Variants in SPIDR observed in about 807,000 individuals in gnomAD.
SPIDR encodes scaffold protein involved in DNA repair, also known as DNA repair-scaffolding protein.
In SPIDR, 93 loss-of-function variants were observed where a neutral mutation model predicts 104.6. The observed-to-expected ratio is 0.89, with a 90% CI of 0.75 to 1.06. SPIDR has a LOEUF of 1.06. SPIDR is among the 50% of genes least tolerant of loss of function. SPIDR has a pLI of 0.00. For synonymous variants in SPIDR, 431 were observed against 416.9 expected, an observed-to-expected ratio of 1.03 and a Z score of -0.41; for missense variants, 1,154 against 1,111.2, an observed-to-expected ratio of 1.04 and a Z score of -0.55.
Position 47,700,424 on chromosome 8 carries a change from G to C in SPIDR, c.1707G>C (p.Leu569Phe). ...TRGRTAGIFS[L>F]IDTLWPPAIP... ...CCAGGACAGCGGGGATTTTCAGTTT[G>C]ATTGACACCCTGTGGCCCCCAGCGA... Residue 569 changes from leucine (L) to phenylalanine (F), a missense_variant, in exon 12 of 20, where the codon TTG (leucine) becomes TTC (phenylalanine). Leu to Phe is a conservative substitution (Grantham distance 22, BLOSUM62 0). Transcript: ENST00000297423. The C allele has an allele frequency of 6.2e-7, 1 of 1,614,216 alleles. No individual in the cohort carries two copies.
At chr8:47,641,075 G>A (rs2068889495) in intron 10 of SPIDR, among the ~76,000 whole-genome samples, 1 of 151,070 alleles carries the variant, frequency 6.6e-6, no homozygotes, top group Non-Finnish European at 1.5e-5. Flanking sequence ...CATATTTGAG[G>A]TACACTTTAA....
intron 10 of SPIDR, among the ~76,000 whole-genome samples, chr8:47,607,160 T>A (rs1297383879): frequency 6.6e-6 from 1 of 152,242 alleles, no homozygotes; most frequent in Non-Finnish European, 1.5e-5. Context: ...TCCTTTTCAA[T>A]GATTTGAATA....
Position 47,304,209 on chromosome 8 carries a change from C to G in SPIDR, c.525+10179C>G, listed in dbSNP as rs1216109441. Among the ~76,000 whole-genome samples the G allele has an allele frequency of 7.2e-5, 11 of 152,118 alleles. No homozygotes were observed. The East Asian group carries it at 2.1e-3, about 29-fold the overall frequency. On this transcript the variant is annotated intron_variant, in intron 5 of 19. Coordinates refer to ENST00000297423, the MANE Select transcript of SPIDR (RefSeq NM_001080394.4). The stretch of plus-strand genomic sequence containing the variant: ...GACTAATATAGTTTGAGTCTGTGTC[C>G]CCGCCCAAATCTCATGTTGAATTGT...
At chr8:47,303,244 C>T (rs1281942207) in intron 5 of SPIDR, among the ~76,000 whole-genome samples, 1 of 152,212 alleles carries the variant, frequency 6.6e-6, no homozygotes, top group African/African-American at 2.4e-5. Context: ...CTCTCCGAAC[C>T]AGTTGTGGGA....
chr8:47,551,686 G>A (rs1024307789), intron 8 of SPIDR, among the ~76,000 whole-genome samples: 7 of 151,826 alleles, frequency 4.6e-5, no homozygotes, highest in East Asian at 3.9e-4. Context: ...TCTTGCTAGC[G>A]GTCTATCAAT....
At position 47,670,554 on chromosome 8, in the gene SPIDR, T is replaced by G. The variant is rs573765511; in HGVS notation, c.1545-3247T>G. On this transcript the variant is annotated intron_variant, in intron 10 of 19. Coordinates refer to ENST00000297423, the MANE Select transcript of SPIDR (RefSeq NM_001080394.4). Reference sequence around the variant, plus strand: ...AATGTTTTTTCTTTGTGTTTTCCTATATTTCTCATTCCATTTTTTTTCCTC... The same window carrying G: ...AATGTTTTTTCTTTGTGTTTTCCTAGATTTCTCATTCCATTTTTTTTCCTC... 2.6e-4 allele frequency among the ~76,000 whole-genome samples: 40 copies of G among 152,344 alleles called. 1 individual carries two copies. The South Asian group carries it at 8.3e-3, about 32-fold the overall frequency.
intron 19 of SPIDR, among the ~76,000 whole-genome samples, 156 bp from the exon 20 acceptor site, chr8:47,735,151 G>C (rs1272228184): frequency 1.3e-5 from 2 of 151,374 alleles, no homozygotes; most frequent in Non-Finnish European, 2.9e-5. Context: ...CTCTTCATTT[G>C]TTTCTCCTTC....
rs578023286 is a variant in SPIDR at position 47,445,464 on chromosome 8, T to A, written c.1097+4922T>A. 5.9e-5 allele frequency among the ~76,000 whole-genome samples: 9 copies of A among 152,178 alleles called. No individual in the cohort carries two copies. The South Asian group carries it at 1.7e-3, about 28-fold the overall frequency. Reference sequence around the variant, plus strand: ...CCATCTTACTTTCTCTCCTCAGACCTCCCTATTCCATGAGACACAACAGTA... The same window carrying A: ...CCATCTTACTTTCTCTCCTCAGACCACCCTATTCCATGAGACACAACAGTA... On this transcript the variant is annotated intron_variant, in intron 8 of 19. Transcript: ENST00000297423.
chr8:47,690,742 C>T (rs1417015678), intron 11 of SPIDR, among the ~76,000 whole-genome samples: 1 of 152,066 alleles, frequency 6.6e-6, no homozygotes, highest in East Asian at 1.9e-4. Flanking sequence ...TCACTTGAAC[C>T]CAGGAGGCGG....
At chr8:47,431,257 C>T (rs1170993199) in intron 7 of SPIDR, among the ~76,000 whole-genome samples, 1 of 152,204 alleles carries the variant, frequency 6.6e-6, no homozygotes, top group Non-Finnish European at 1.5e-5. Flanking sequence ...TCAGGCTACC[C>T]TTATGACCTC....
intron 8 of SPIDR, among the ~76,000 whole-genome samples, chr8:47,570,830 C>T (rs537141804): frequency 6.6e-5 from 10 of 152,246 alleles, no homozygotes; most frequent in South Asian, 4.1e-4. Flanking sequence ...TGGTGGCTCA[C>T]GCCTATAATC....
chr8:47,592,241 A>T, intron 8 of SPIDR: 1 of 1,305,088 alleles, frequency 7.7e-7, no homozygotes, highest in Non-Finnish European at 1.1e-6. Flanking sequence ...ATCATTTGCT[A>T]ATGGATCGTC....
At chr8:47,668,486 T>A (rs1468664599) in intron 10 of SPIDR, among the ~76,000 whole-genome samples, 2 of 151,036 alleles carry the variant, frequency 1.3e-5, no homozygotes, top group African/African-American at 2.4e-5. Flanking sequence ...AAAAAAAAAA[T>A]TCCTTGACAA....
At chr8:47,558,199 A>C (rs761695377) in intron 8 of SPIDR, among the ~76,000 whole-genome samples, 1 of 152,170 alleles carries the variant, frequency 6.6e-6, no homozygotes, top group Non-Finnish European at 1.5e-5. Context: ...CTTACTTGGT[A>C]CTATGTTCAC....
chr8:47,287,499 T>A (rs2039070262), intron 3 of SPIDR, among the ~76,000 whole-genome samples: 2 of 152,008 alleles, frequency 1.3e-5, no homozygotes, highest in Admixed American at 1.3e-4. Context: ...TCAGTTCTTA[T>A]CCCAACCGCA....
intron 7 of SPIDR, among the ~76,000 whole-genome samples, chr8:47,418,486 C>G (rs1037622141): frequency 5.3e-5 from 8 of 152,196 alleles, no homozygotes; most frequent in Non-Finnish European, 1.2e-4. Flanking sequence ...TGAGACTTTG[C>G]TGAAGTTGCC....
At chr8:47,548,695 G>C (rs1425957694) in intron 8 of SPIDR, among the ~76,000 whole-genome samples, 1 of 152,084 alleles carries the variant, frequency 6.6e-6, no homozygotes, top group African/African-American at 2.4e-5. Flanking sequence ...AAGGACTAAT[G>C]AAAAATCATT....
At chr8:47,267,884 G>A (rs2034424067) in intron 1 of SPIDR, among the ~76,000 whole-genome samples, 1 of 151,870 alleles carries the variant, frequency 6.6e-6, no homozygotes, top group South Asian at 2.1e-4. Context: ...TGTGCTTTTC[G>A]GTGTCATGTC....
At chr8:47,562,670 G>GTGGT (rs1403726480) in intron 8 of SPIDR, among the ~76,000 whole-genome samples, 2 of 152,206 alleles carry the variant, frequency 1.3e-5, no homozygotes, top group East Asian at 3.8e-4. Flanking sequence ...AGCTGCCCTT[G>GTGGT]TGGTTGCCGC....
Sources: gnomAD v4.1 joint callset for allele counts (sites outside exome capture counted in the v4.1 genomes callset) on GRCh38, gnomAD v4.1.1 for gene constraint, MANE v1.5 for transcripts, NCBI Gene and HGNC (gene_info 2026-07-23, HGNC 2026-07-21) for gene names.